ICA1: variants seen among roughly 807,000 people sequenced by gnomAD.
ICA1 encodes islet cell autoantigen 1, also known as 69 kDa islet cell autoantigen.
In ICA1, 40 loss-of-function variants were observed where a neutral mutation model predicts 71.0. That is an observed-to-expected ratio of 0.56 (90% CI 0.44 to 0.73). The LOEUF is 0.73. Among genes scored for constraint, ICA1 ranks in the 30% least tolerant of loss-of-function variants. ICA1 has a pLI of 0.00. For synonymous variants in ICA1, 207 were observed against 209.5 expected (o/e 0.99, Z 0.10); for missense variants, 578 against 576.5 (o/e 1.00, Z -0.03).
intron 6 of ICA1, among the ~76,000 whole-genome samples, chr7:8,169,980 C>T (rs1318819104): frequency 6.7e-6 from 1 of 149,712 alleles, no homozygotes; most frequent in Admixed American, 6.7e-5. Flanking sequence ...GACTGTTTTC[C>T]TGCACTTTTT....
In ICA1 at chr7:8,222,692, T is replaced by C. The variant is rs1487663549; in HGVS notation, c.257-1294A>G. 6.6e-6 allele frequency among the ~76,000 whole-genome samples: 1 copy of C among 152,214 alleles called. No homozygotes were observed. On this transcript the variant is annotated intron_variant, in intron 4 of 13. Coordinates refer to ENST00000402384, the MANE Select transcript of ICA1 (RefSeq NM_001136020.3). This position sits in a 1 kb window ranked among gnomAD's most constrained non-coding sequence, Gnocchi z 4.8. The stretch of plus-strand genomic sequence containing the variant: ...AAGAAGAGGCTTTTAGAATCCATTT[T>C]TCCTGAGAGATAAATGATGACCCTG...
chr7:8,152,943 T>C (rs1800079696), intron 8 of ICA1, among the ~76,000 whole-genome samples: 1 of 151,266 alleles, frequency 6.6e-6, no homozygotes, highest in African/African-American at 2.4e-5. Context: ...CACCATCACC[T>C]CTTCCACCAC....
At chr7:8,157,473 C>A in intron 7 of ICA1, 1 of 450,266 alleles carries the variant, frequency 2.2e-6, no homozygotes, top group East Asian at 3.7e-5. Flanking sequence ...CTCTTTTTCT[C>A]ATCTGATCCA....
At chr7:8,230,950 G>C (rs1800091422) in intron 3 of ICA1, among the ~76,000 whole-genome samples, 1 of 152,142 alleles carries the variant, frequency 6.6e-6, no homozygotes, top group South Asian at 2.1e-4. Flanking sequence ...GTCGTGAATA[G>C]GCTAACATGG....
intron 3 of ICA1, among the ~76,000 whole-genome samples, chr7:8,231,591 G>C (rs757110264): frequency 1.5e-4 from 23 of 152,084 alleles, no homozygotes; most frequent in Non-Finnish European, 5.9e-5. Flanking sequence ...GAGAAACTGG[G>C]TATAGTTCTC....
At chr7:8,236,153 G>A (rs899011216) in intron 1 of ICA1, 148 bp from the exon 2 acceptor site, 3 of 469,030 alleles carry the variant, frequency 6.4e-6, no homozygotes, top group Admixed American at 7.8e-5. Flanking sequence ...CACTGGTGAT[G>A]ACAACAATAT....
At chr7:8,190,218 G>GTT (rs1287043262) in intron 6 of ICA1, among the ~76,000 whole-genome samples, 3 of 147,424 alleles carry the variant, frequency 2.0e-5, no homozygotes. Context: ...GTTTCTTCCA[G>GTT]TTTTTTTTTT....
intron 6 of ICA1, among the ~76,000 whole-genome samples, chr7:8,164,884 C>T (rs878914035): frequency 6.6e-6 from 1 of 152,068 alleles, no homozygotes; most frequent in Admixed American, 6.6e-5. Flanking sequence ...TCAAGACCAG[C>T]CTGGGCAACA....
intron 13 of ICA1, among the ~76,000 whole-genome samples, chr7:8,115,877 C>T (rs991522416): frequency 6.6e-6 from 1 of 152,194 alleles, no homozygotes; most frequent in African/African-American, 2.4e-5. Context: ...TTCTGAGGTG[C>T]ACAAATTAAA....
intron 8 of ICA1, among the ~76,000 whole-genome samples, chr7:8,153,546 GA>G (rs1307505332): frequency 2.0e-5 from 3 of 152,076 alleles, no homozygotes; most frequent in Non-Finnish European, 4.4e-5. Context: ...GGAGAAATGT[GA>G]AAGTAAATGA....
At chr7:8,182,252 C>T (rs1270776607) in intron 6 of ICA1, among the ~76,000 whole-genome samples, 1 of 152,182 alleles carries the variant, frequency 6.6e-6, no homozygotes, top group South Asian at 2.1e-4. Context: ...CATTCCCTAA[C>T]AAGATCCTTT....
chr7:8,215,612 C>A (rs1583341568), intron 6 of ICA1, among the ~76,000 whole-genome samples: 1 of 152,254 alleles, frequency 6.6e-6, no homozygotes, highest in Non-Finnish European at 1.5e-5. Context: ...GGCCCAGCTT[C>A]AATATCATTT....
At chr7:8,247,885 G>C (rs1269021070) in intron 1 of ICA1, among the ~76,000 whole-genome samples, 1 of 152,086 alleles carries the variant, frequency 6.6e-6, no homozygotes, top group Non-Finnish European at 1.5e-5. Context: ...AAGATCAGTA[G>C]TCATTCCACT....
rs555386494 is a variant in ICA1, at chr7:8,123,011, C to A, written c.1330+4862G>T. Among the ~76,000 whole-genome samples, 23 of 152,306 alleles carry A rather than the reference C, an allele frequency of 1.5e-4. No homozygotes were observed. The South Asian group carries it at 4.8e-3, about 32-fold the overall frequency. On this transcript the variant is annotated intron_variant, in intron 13 of 13. Transcript: ENST00000402384. This position sits in a 1 kb window ranked among gnomAD's most constrained non-coding sequence, Gnocchi z 4.1. ...ATTGCCTGTCTCCAGCTCAGGTGGC[C>A]TCTCTGGCTGGCTCTCCTCCTACTC... is the stretch of plus-strand genomic sequence containing the variant.
At chr7:8,240,494 C>T (rs552549986) in intron 1 of ICA1, among the ~76,000 whole-genome samples, 6 of 152,286 alleles carry the variant, frequency 3.9e-5, no homozygotes, top group African/African-American at 9.6e-5. Context: ...AAAACCAGAG[C>T]GCATCTTCTC....
At chr7:8,145,764 A>ATATGTATG (rs140690774) in intron 8 of ICA1, among the ~76,000 whole-genome samples, 3 of 136,322 alleles carry the variant, frequency 2.2e-5, no homozygotes, top group African/African-American at 5.2e-5. Context: ...ATATATATAT[A>ATATGTATG]TATGTATATA....
At position 8,144,502 on chromosome 7, in the gene ICA1, C is replaced by T. The variant is rs1796238667; in HGVS notation, c.805-530G>A. Among the ~76,000 whole-genome samples the T allele has an allele frequency of 6.6e-6, 1 of 152,210 alleles. No individual in the cohort carries two copies. The highest frequency in any genetic ancestry group is 6.5e-5 in the Admixed American group (1 of 15,282). On this transcript the variant is annotated intron_variant, in intron 8 of 13. Transcript: ENST00000402384. This position sits in a 1 kb window ranked among gnomAD's most constrained non-coding sequence, Gnocchi z 4.5. ...TAAAAAACCAAAAATAGTGGCTTAA[C>T]ATATTCTGACAACCTAACTCCCACG...
intron 1 of ICA1, among the ~76,000 whole-genome samples, chr7:8,256,542 C>T (rs1258929614): frequency 6.6e-6 from 1 of 152,162 alleles, no homozygotes; most frequent in Non-Finnish European, 1.5e-5. Context: ...CATCAAGACT[C>T]TCCTCAAATG....
At chr7:8,171,557 T>C (rs1808350206) in intron 6 of ICA1, among the ~76,000 whole-genome samples, 1 of 151,484 alleles carries the variant, frequency 6.6e-6, no homozygotes, top group Admixed American at 6.6e-5. Context: ...AGGTTATCAA[T>C]GTTATTGATC....
Sources: allele counts gnomAD v4.1 joint callset (sites outside exome capture counted in the v4.1 genomes callset), GRCh38; gene constraint gnomAD v4.1.1; non-coding constraint Gnocchi (gnomAD v3.1); transcripts MANE v1.5; gene names NCBI Gene and HGNC (gene_info 2026-07-23, HGNC 2026-07-21).